Variants in WWOX observed in about 807,000 individuals in gnomAD.
The protein encoded by WWOX is WW domain containing oxidoreductase.
Under a neutral mutation model 46.2 loss-of-function variants are expected in WWOX, and 69 were observed. The ratio of observed to expected loss-of-function variants is 1.49; its 90% CI spans 1.23 to 1.82. The LOEUF is 1.82. Among genes scored for constraint, WWOX ranks in the 40% most tolerant of loss-of-function variants. WWOX has a pLI of 0.00. For synonymous variants in WWOX, 359 were observed against 202.6 expected (o/e 1.77, Z -6.56); for missense variants, 919 against 542.6 (o/e 1.69, Z -6.89).
intron 8 of WWOX, among the ~76,000 whole-genome samples, chr16:78,707,833 T>A (rs2048355467): frequency 7.0e-6 from 1 of 141,948 alleles, no homozygotes; most frequent in South Asian, 2.3e-4. Flanking sequence ...AGACTCTGTC[T>A]CAAAAATATA....
chr16:78,786,249 A>C (rs1162037758), intron 8 of WWOX, among the ~76,000 whole-genome samples: 1 of 152,234 alleles, frequency 6.6e-6, no homozygotes, highest in Non-Finnish European at 1.5e-5. Context: ...AAGTCGAGAC[A>C]ATCAATAAAG....
rs56991354 is a variant in WWOX at position 79,113,285 on chromosome 16, C to T, written c.1057-98323C>T. ...AGGGAGCAGGTACTGCTGTGGATGA[C>T]GGGTGAAGAATTCACCTGGGAAACT... is the stretch of plus-strand genomic sequence containing the variant. On this transcript the variant is annotated intron_variant, in intron 8 of 8. Transcript: ENST00000566780. Among the ~76,000 whole-genome samples the T allele has an allele frequency of 9.2e-3, 1,399 of 152,216 alleles. 21 individuals are homozygous for T. The highest frequency in any genetic ancestry group is 0.032 in the African/African-American group (1,324 of 41,532).
At chr16:78,472,541 G>T (rs574256746) in intron 8 of WWOX, among the ~76,000 whole-genome samples, 1 of 152,252 alleles carries the variant, frequency 6.6e-6, no homozygotes, top group Non-Finnish European at 1.5e-5. Context: ...GGGCACAGTG[G>T]CTCACGCCTG....
intron 1 of WWOX, among the ~76,000 whole-genome samples, chr16:78,101,833 G>T (rs1411137922): frequency 6.6e-6 from 1 of 152,188 alleles, no homozygotes; most frequent in Non-Finnish European, 1.5e-5. Context: ...TTATACCGAG[G>T]CAAATAAGAG....
intron 5 of WWOX, among the ~76,000 whole-genome samples, chr16:78,265,390 T>C (rs1053991794): frequency 2.0e-5 from 3 of 152,102 alleles, no homozygotes; most frequent in Admixed American, 6.5e-5. Context: ...TTTAGAAATA[T>C]CTTGGAACGG....
chr16:78,576,851 G>T (rs1041447529), intron 8 of WWOX, among the ~76,000 whole-genome samples: 4 of 152,076 alleles, frequency 2.6e-5, no homozygotes, highest in African/African-American at 9.7e-5. Flanking sequence ...TGCTGCCTTG[G>T]GTATCTTAAT....
intron 8 of WWOX, among the ~76,000 whole-genome samples, chr16:78,631,009 C>T (rs949514471): frequency 6.6e-6 from 1 of 152,018 alleles, no homozygotes; most frequent in Non-Finnish European, 1.5e-5. Context: ...TTAAACAATC[C>T]AACATAACCA....
At position 78,936,282 on chromosome 16, in the gene WWOX, G is replaced by C. The variant is rs75184900; in HGVS notation, c.1057-275326G>C. On this transcript the variant is annotated intron_variant, in intron 8 of 8. Coordinates refer to ENST00000566780, the MANE Select transcript of WWOX (RefSeq NM_016373.4). Reference sequence around the variant, plus strand: ...GACCTGGGCCTTCAACCCTTGGACAGAGCTTAAGATGGCTGCGTCCCAAGT... The same window carrying C: ...GACCTGGGCCTTCAACCCTTGGACACAGCTTAAGATGGCTGCGTCCCAAGT... Among the ~76,000 whole-genome samples the C allele has an allele frequency of 2.6e-5, 4 of 152,246 alleles. No individual in the cohort carries two copies. The East Asian group carries it at 5.8e-4, about 22-fold the overall frequency.
intron 8 of WWOX, among the ~76,000 whole-genome samples, chr16:78,948,426 A>G (rs1431879254): frequency 1.3e-5 from 2 of 152,080 alleles, no homozygotes. Context: ...AGACTGAAAA[A>G]TCCATTTTCT....
intron 8 of WWOX, among the ~76,000 whole-genome samples, chr16:78,494,598 G>T (rs946332528): frequency 1.1e-4 from 16 of 152,130 alleles, no homozygotes; most frequent in African/African-American, 3.1e-4. Context: ...TAAAGTCCAG[G>T]AGTCTTCTGT....
intron 4 of WWOX, among the ~76,000 whole-genome samples, chr16:78,122,370 A>T (rs1443990729): frequency 6.6e-6 from 1 of 152,206 alleles, no homozygotes; most frequent in Non-Finnish European, 1.5e-5. Context: ...TTATGGTGTC[A>T]GCATAACAAA....
intron 8 of WWOX, among the ~76,000 whole-genome samples, chr16:78,858,998 ATT>A (rs1402875419): frequency 5.5e-5 from 3 of 54,712 alleles, no homozygotes; most frequent in African/African-American, 1.4e-4. Context: ...TAGTTTTGAA[ATT>A]TAAAAAAAAA....
chr16:78,101,562 C>T (rs1433090479), intron 1 of WWOX, among the ~76,000 whole-genome samples: 1 of 152,032 alleles, frequency 6.6e-6, no homozygotes, highest in Non-Finnish European at 1.5e-5. Flanking sequence ...CTCAAGTGAT[C>T]CGCCCACCTC....
chr16:78,850,955 C>A (rs892436332), intron 8 of WWOX, among the ~76,000 whole-genome samples: 1 of 152,200 alleles, frequency 6.6e-6, no homozygotes, highest in Non-Finnish European at 1.5e-5. Flanking sequence ...AGTGTGCCAA[C>A]ACCTCTCTCA....
At chr16:78,450,540 A>G (rs1961118) in intron 8 of WWOX, among the ~76,000 whole-genome samples, 3 of 152,216 alleles carry the variant, frequency 2.0e-5, no homozygotes, top group Non-Finnish European at 4.4e-5. Context: ...TGTATCAACT[A>G]CTGAGACCTG....
Position 79,027,028 on chromosome 16 carries a change from C to A in WWOX, c.1057-184580C>A, listed in dbSNP as rs187506179. Among the ~76,000 whole-genome samples the A allele has an allele frequency of 1.1e-3, 163 of 151,370 alleles. 4 individuals carry two copies. Among genetic ancestry groups the A allele is most frequent in the African/African-American group, 3.6e-3 (148 of 40,982 alleles). On this transcript the variant is annotated intron_variant, in intron 8 of 8. Transcript: ENST00000566780. ...GGTACAGTGGCTCATGCCTGTAATC[C>A]CAGCACTTTGGGAGGTCAAGGCAGG...
chr16:78,422,315 T>G (rs1359712175), intron 6 of WWOX, among the ~76,000 whole-genome samples: 1 of 152,046 alleles, frequency 6.6e-6, no homozygotes, highest in African/African-American at 2.4e-5. Context: ...AATGTTTGTT[T>G]TTTAAAAACT....
chr16:78,795,494 C>T (rs1284840753), intron 8 of WWOX, among the ~76,000 whole-genome samples: 1 of 121,828 alleles, frequency 8.2e-6, no homozygotes, highest in Non-Finnish European at 1.9e-5. Context: ...ACAAGATCCT[C>T]TACATCAAAC....
At chr16:78,209,567 C>A (rs984632573) in intron 5 of WWOX, among the ~76,000 whole-genome samples, 17 of 152,072 alleles carry the variant, frequency 1.1e-4, no homozygotes, top group African/African-American at 3.6e-4. Flanking sequence ...ATATGTGCAC[C>A]TTTGAGAAAT....
Sources: gnomAD v4.1 joint callset for allele counts (sites outside exome capture counted in the v4.1 genomes callset) on GRCh38, gnomAD v4.1.1 for gene constraint, MANE v1.5 for transcripts, NCBI Gene and HGNC (gene_info 2026-07-23, HGNC 2026-07-21) for gene names.